Variants in DENND2A observed in about 807,000 individuals in gnomAD.
DENND2A encodes DENN domain-containing protein 2A.
A neutral mutation model predicts 105.3 loss-of-function variants in DENND2A; 53 were observed. That is an observed-to-expected ratio of 0.50 (90% CI 0.40 to 0.63). The LOEUF (loss-of-function observed/expected upper bound fraction) is 0.63. Ranked by LOEUF, DENND2A falls within the 30% of genes least tolerant of loss-of-function variation. DENND2A has a pLI of 0.00. For missense variants in DENND2A, 1,138 were observed against 1,279.6 expected, an observed-to-expected ratio of 0.89 and a Z score of 1.69; for synonymous variants, 522 against 508.4, an observed-to-expected ratio of 1.03 and a Z score of -0.36.
intron 8 of DENND2A, among the ~76,000 whole-genome samples, chr7:140,568,244 G>A (rs1305745040): frequency 6.6e-6 from 1 of 152,126 alleles, no homozygotes; most frequent in Middle Eastern, 3.2e-3. Context: ...CCGGCCCCTG[G>A]ACTTGCTTTC....
chr7:140,600,232 C>T (rs549616344), intron 3 of DENND2A, among the ~76,000 whole-genome samples: 279 of 151,596 alleles, frequency 1.8e-3, no homozygotes, highest in Non-Finnish European at 3.5e-3. Context: ...AAATGGAGAT[C>T]CAAGCAGGAG....
At chr7:140,633,313 C>T (rs1800801300) in intron 1 of DENND2A, among the ~76,000 whole-genome samples, 1 of 152,172 alleles carries the variant, frequency 6.6e-6, no homozygotes, top group Non-Finnish European at 1.5e-5. Flanking sequence ...CAGGCGTGAG[C>T]CACCGTGCCT....
rs150196705 is a variant in DENND2A, at chr7:140,529,132, A to T, written c.2328-1637T>A. ...AAACAGAAACAAAACACCAAAAAAA[A>T]CACTGGGAGAAATATTGGGAGTTTC... On this transcript the variant is annotated intron_variant, in intron 14 of 19. Coordinates refer to ENST00000496613, the MANE Select transcript of DENND2A (RefSeq NM_015689.5). 1.2e-4 allele frequency among the ~76,000 whole-genome samples: 18 copies of T among 152,244 alleles called. No homozygotes were observed. In the East Asian group the frequency reaches 3.1e-3, roughly 26 times the overall value.
intron 1 of DENND2A, among the ~76,000 whole-genome samples, chr7:140,636,473 T>C (rs978526462): frequency 2.6e-5 from 4 of 152,146 alleles, no homozygotes; most frequent in African/African-American, 9.7e-5. Context: ...TGTCCACTTC[T>C]GAGGACCTGC....
Position 140,559,925 on chromosome 7 carries a change from C to T in DENND2A, c.1780-108G>A, listed in dbSNP as rs142592854. Reference sequence around the variant, plus strand: ...CCCACCTTTCCACATTTGTGACTGCCGCCTTAGCCTCTTCCCTTGGGAAGA... The same window carrying T: ...CCCACCTTTCCACATTTGTGACTGCTGCCTTAGCCTCTTCCCTTGGGAAGA... On this transcript the variant is annotated intron_variant, in intron 9 of 19. Transcript: ENST00000496613. This position sits in a 1 kb window ranked among gnomAD's most constrained non-coding sequence, Gnocchi z 4.1. 4.6e-3 allele frequency: 3,736 copies of T among 813,988 alleles called. 24 individuals are homozygous for T. The highest frequency in any genetic ancestry group is 5.9e-3 in the Non-Finnish European group (2,837 of 480,018). The allele number at this position is 813,988 out of a possible 1,614,324, so 50.4% of individuals were successfully genotyped here. A position where few individuals can be genotyped will look rare whatever the true frequency, so the allele number is the denominator to read the frequency against.
At chr7:140,528,498 G>A (rs192928709) in intron 14 of DENND2A, among the ~76,000 whole-genome samples, 137 of 152,038 alleles carry the variant, frequency 9.0e-4, no homozygotes, top group African/African-American at 3.3e-3. Context: ...TGCCGGGCAC[G>A]GTGGCTCACG....
At chr7:140,568,314 C>A (rs1797958021) in intron 8 of DENND2A, among the ~76,000 whole-genome samples, 1 of 152,198 alleles carries the variant, frequency 6.6e-6, no homozygotes, top group South Asian at 2.1e-4. Context: ...TTGGCCTAGA[C>A]TATTTAATTT....
intron 14 of DENND2A, among the ~76,000 whole-genome samples, chr7:140,541,142 C>T (rs1446301966): frequency 6.6e-6 from 1 of 151,854 alleles, no homozygotes; most frequent in Non-Finnish European, 1.5e-5. Flanking sequence ...TCTCCCTGCA[C>T]TTAATGTTTT....
chr7:140,588,766 C>CTTTTTTTTTTTTTTTTTTTT, intron 3 of DENND2A, among the ~76,000 whole-genome samples: 1 of 136,846 alleles, frequency 7.3e-6, no homozygotes, highest in Non-Finnish European at 1.6e-5. Flanking sequence ...TTTTTTGGCA[C>CTTTTTTTTTTTTTTTTTTTT]TTTTTTTTTT....
intron 9 of DENND2A, among the ~76,000 whole-genome samples, chr7:140,564,731 T>C (rs1797767088): frequency 6.6e-6 from 1 of 152,210 alleles, no homozygotes; most frequent in Non-Finnish European, 1.5e-5. Flanking sequence ...ATCATTATGG[T>C]GAGTCATTAA....
chr7:140,573,665 G>A, intron 6 of DENND2A, 143 bp downstream of exon 6: 1 of 940,954 alleles, frequency 1.1e-6, no homozygotes, highest in Non-Finnish European at 1.6e-6. Context: ...CCAGCCTGCT[G>A]GCTTCACTGT....
At chr7:140,539,935 G>A (rs377393838) in intron 14 of DENND2A, among the ~76,000 whole-genome samples, 35 of 152,370 alleles carry the variant, frequency 2.3e-4, no homozygotes, top group African/African-American at 5.8e-4. Context: ...CAGGAAAAGC[G>A]AGGGCTGCTT....
chr7:140,629,197 G>A lies in DENND2A; in HGVS notation c.-248+11307C>T, dbSNP rs374495148. Among the ~76,000 whole-genome samples the A allele has an allele frequency of 2.4e-4, 36 of 152,308 alleles. No individual in the cohort carries two copies. In the South Asian group the frequency reaches 2.9e-3, roughly 12 times the overall value. On this transcript the variant is annotated intron_variant, in intron 1 of 19. Coordinates refer to ENST00000496613, the MANE Select transcript of DENND2A (RefSeq NM_015689.5). Reference sequence around the variant, plus strand: ...TGAAAGGCAGTATTCAAAATTAACCGCAGAGGTGTGCAGGAGCGCCATTAG... The same window carrying A: ...TGAAAGGCAGTATTCAAAATTAACCACAGAGGTGTGCAGGAGCGCCATTAG...
chr7:140,634,151 A>G (rs1800835692), intron 1 of DENND2A, among the ~76,000 whole-genome samples: 1 of 151,902 alleles, frequency 6.6e-6, no homozygotes, highest in South Asian at 2.1e-4. Context: ...GGTGCCCGCC[A>G]CCACGCCCGG....
Position 140,560,354 on chromosome 7 carries a change from C to A in DENND2A, c.1780-537G>T, listed in dbSNP as rs140463984. Among the ~76,000 whole-genome samples, 229 of 152,252 alleles carry A rather than the reference C, an allele frequency of 1.5e-3. 1 individual carries two copies. The highest frequency in any genetic ancestry group is 5.4e-3 in the African/African-American group (226 of 41,538). On this transcript the variant is annotated intron_variant, in intron 9 of 19. Coordinates refer to ENST00000496613, the MANE Select transcript of DENND2A (RefSeq NM_015689.5). ...ATCCAGCCTGACATTCTTATTTCAG[C>A]AAGAAGGAAATAAGCCCCGAGGTGT...
At chr7:140,587,529 G>A in intron 4 of DENND2A, 124 bp downstream of exon 4, 1 of 1,337,518 alleles carries the variant, frequency 7.5e-7, no homozygotes. Flanking sequence ...CGAGTGCACA[G>A]GTGTCTTCAA....
intron 14 of DENND2A, among the ~76,000 whole-genome samples, chr7:140,530,739 T>C (rs1209810558): frequency 1.3e-5 from 2 of 149,748 alleles, no homozygotes; most frequent in African/African-American, 4.9e-5. Context: ...GTGTCTTTCT[T>C]TTTTTTTTTG....
At chr7:140,637,139 T>C (rs1442998307) in intron 1 of DENND2A, among the ~76,000 whole-genome samples, 58 of 137,630 alleles carry the variant, frequency 4.2e-4, no homozygotes, top group Admixed American at 9.9e-4. Flanking sequence ...CGTAGGCCAC[T>C]GTGCCTGGCC....
intron 1 of DENND2A, among the ~76,000 whole-genome samples, chr7:140,621,669 G>A (rs1466770245): frequency 6.6e-6 from 1 of 152,204 alleles, no homozygotes; most frequent in African/African-American, 2.4e-5. Context: ...AGGGAACAGA[G>A]TAAAACCTGG....
Sources: gnomAD v4.1 joint callset for allele counts (sites outside exome capture counted in the v4.1 genomes callset) on GRCh38, gnomAD v4.1.1 for gene constraint, Gnocchi (gnomAD v3.1) non-coding constraint, MANE v1.5 for transcripts, NCBI Gene and HGNC (gene_info 2026-07-23, HGNC 2026-07-21) for gene names.